Variants in DYM observed in about 807,000 individuals in gnomAD.
DYM encodes the protein dyggve-Melchior-Clausen syndrome protein.
Under a neutral mutation model 93.1 loss-of-function variants are expected in DYM, and 78 were observed. The ratio of observed to expected loss-of-function variants is 0.84; its 90% CI spans 0.70 to 1.01. DYM has a LOEUF of 1.01. Ranked by LOEUF, DYM falls within the 50% of genes least tolerant of loss-of-function variation. The pLI, the probability that DYM is intolerant of heterozygous loss-of-function variation, is 0.00. For missense variants in DYM, 789 were observed against 845.0 expected (o/e 0.93, Z 0.82); for synonymous variants, 321 against 319.7 (o/e 1.00, Z -0.04).
chr18:49,272,309 GAATA>G lies in DYM; in HGVS notation c.1126-10_1126-7del. On this transcript the variant is annotated splice_polypyrimidine_tract_variant and splice_region_variant and intron_variant, in intron 10 of 17. Transcript: ENST00000675505. Reference sequence around the variant, plus strand: ...ATCTCAAGAATTGGTAAAACCTAGAGAATAAAAATTATAATTGACTATTTCAATA... The same window carrying G: ...ATCTCAAGAATTGGTAAAACCTAGAGAAAATTATAATTGACTATTTCAATA... 1 of 1,500,174 alleles carries G rather than the reference GAATA, an allele frequency of 6.7e-7. No homozygotes were observed. 92.9% of individuals were successfully genotyped at this position (1,500,174 alleles called of 1,614,324 possible).
At chr18:49,093,036 A>G (rs1390218730) in intron 17 of DYM, among the ~76,000 whole-genome samples, 1 of 152,250 alleles carries the variant, frequency 6.6e-6, no homozygotes, top group African/African-American at 2.4e-5. Context: ...ATAGGAATCC[A>G]GAGGCAGGGT....
chr18:49,156,433 AAAC>A (rs1215665490), intron 15 of DYM, among the ~76,000 whole-genome samples: 9 of 151,852 alleles, frequency 5.9e-5, no homozygotes, highest in East Asian at 1.9e-4. Flanking sequence ...CCCTCAAAAA[AAAC>A]AACAACAAAA....
chr18:49,281,745 C>T (rs2094984569), intron 10 of DYM, among the ~76,000 whole-genome samples: 1 of 152,152 alleles, frequency 6.6e-6, no homozygotes, highest in Middle Eastern at 3.4e-3. Context: ...TAGGTGGGAA[C>T]TGAACAATGA....
intron 2 of DYM, among the ~76,000 whole-genome samples, chr18:49,420,368 C>T (rs1462699725): frequency 6.6e-6 from 1 of 151,920 alleles, no homozygotes; most frequent in Non-Finnish European, 1.5e-5. Context: ...AGGGTTTCAC[C>T]ACGTTGACCA....
chr18:49,413,918 G>T (rs1481001965), intron 2 of DYM, among the ~76,000 whole-genome samples: 1 of 152,088 alleles, frequency 6.6e-6, no homozygotes, highest in East Asian at 1.9e-4. Context: ...GCTGAGGCGG[G>T]AGGACAACTT....
chr18:49,103,217 T>C (rs2145684524), intron 16 of DYM, among the ~76,000 whole-genome samples: 1 of 152,376 alleles, frequency 6.6e-6, no homozygotes, highest in African/African-American at 2.4e-5. Flanking sequence ...ATGTCTTCTT[T>C]TGAGAAGTGT....
rs891589467 is a variant in DYM, at chr18:49,290,513, ATATT to A, written c.764-3901_764-3898del. Among the ~76,000 whole-genome samples the A allele has an allele frequency of 5.8e-4, 88 of 152,212 alleles. 1 individual carries two copies. Among genetic ancestry groups the A allele is most frequent in the Admixed American group, 1.4e-3 (21 of 15,282 alleles). On this transcript the variant is annotated intron_variant, in intron 8 of 17. Transcript: ENST00000675505. ...AGTTTAATTTTTCCCCAGTAATAATATATTTATTTCTTTAAAAATAAATGTAAAA... is the reference window on the plus strand; with the variant it reads ...AGTTTAATTTTTCCCCAGTAATAATATATTTCTTTAAAAATAAATGTAAAA...
chr18:49,097,561 G>T, intron 16 of DYM, 46 bp from the exon 17 acceptor site: 2 of 1,489,254 alleles, frequency 1.3e-6, no homozygotes, highest in African/African-American at 1.4e-5. Context: ...GGTATGAAAT[G>T]TATTTTTAGT....
chr18:49,063,098 A>AT (rs1481598085), intron 17 of DYM, among the ~76,000 whole-genome samples: 1 of 152,202 alleles, frequency 6.6e-6, no homozygotes, highest in Non-Finnish European at 1.5e-5. Context: ...AAGCACACCT[A>AT]TTTTTAGGAC....
Position 49,247,040 on chromosome 18 carries a change from G to C in DYM, c.1460+9970C>G, listed in dbSNP as rs558141218. On this transcript the variant is annotated intron_variant, in intron 13 of 17. Coordinates refer to ENST00000675505, the MANE Select transcript of DYM (RefSeq NM_001353214.3). ...TGCGTGGATGCTTGTAGAGTGAACA[G>C]ACTTGGAAGACAGAGATGGTGTCTC... Among the ~76,000 whole-genome samples, 15 of 152,328 alleles carry C rather than the reference G, an allele frequency of 9.8e-5. No individual in the cohort carries two copies. In the East Asian group the frequency reaches 1.5e-3, roughly 16 times the overall value.
chr18:49,393,083 GGGAGGGAGGGAAGGAAGGAAGGAA>G (rs2069534594), intron 2 of DYM, among the ~76,000 whole-genome samples: 1 of 95,152 alleles, frequency 1.1e-5, no homozygotes, highest in African/African-American at 3.6e-5. Flanking sequence ...GAGGAAAGAA[GGGAGGGAGGGAAGGAAGGAAGGAA>G]GGAAGGAAGG....
chr18:49,126,985 GAA>G (rs1436145480), intron 15 of DYM, among the ~76,000 whole-genome samples: 1 of 152,142 alleles, frequency 6.6e-6, no homozygotes, highest in African/African-American at 2.4e-5. Context: ...AGATTTTATG[GAA>G]GACACGCTTT....
At chr18:49,368,972 C>T (rs1374161734) in intron 5 of DYM, among the ~76,000 whole-genome samples, 2 of 152,244 alleles carry the variant, frequency 1.3e-5, no homozygotes, top group African/African-American at 4.8e-5. Flanking sequence ...GAATCCTTGG[C>T]TCTCCACTGA....
At chr18:49,208,793 G>A (rs543610576) in intron 14 of DYM, 1 of 151,800 alleles carries the variant, frequency 6.6e-6, no homozygotes, top group South Asian at 2.1e-4. Flanking sequence ...TATAGTGCTG[G>A]TATAAGTCAT....
rs2070839485 is a variant in DYM at position 49,039,770 on chromosome 18, A to C, written c.*4285T>G. Among the ~76,000 whole-genome samples, 1 of 152,206 alleles carries C rather than the reference A, an allele frequency of 6.6e-6. No homozygotes were observed. Among genetic ancestry groups the C allele is most frequent in the African/African-American group, 2.4e-5 (1 of 41,446 alleles). ...TTTACAGTTTCTAACTCTCTGTTGAAATTCTTGACCATGCGTCTCATTTTT... is the reference window on the plus strand; with the variant it reads ...TTTACAGTTTCTAACTCTCTGTTGACATTCTTGACCATGCGTCTCATTTTT... On this transcript the variant is annotated 3_prime_UTR_variant, in exon 18 of 18. Coordinates refer to ENST00000675505, the MANE Select transcript of DYM (RefSeq NM_001353214.3).
intron 15 of DYM, 36 bp from the exon 16 acceptor site, chr18:49,118,962 C>T: frequency 3.8e-6 from 6 of 1,566,258 alleles, no homozygotes; most frequent in Non-Finnish European, 5.3e-6. Flanking sequence ...CAGAGTCAGT[C>T]TTTTCCTCCT....
chr18:49,307,265 T>C (rs1427829021), intron 8 of DYM, among the ~76,000 whole-genome samples: 1 of 152,034 alleles, frequency 6.6e-6, no homozygotes, highest in Non-Finnish European at 1.5e-5. Flanking sequence ...AGCTTGCACA[T>C]TGCCTCATCA....
At chr18:49,052,796 T>TA (rs2075132356) in intron 17 of DYM, among the ~76,000 whole-genome samples, 1 of 152,216 alleles carries the variant, frequency 6.6e-6, no homozygotes, top group African/African-American at 2.4e-5. Flanking sequence ...TTTGAGGACT[T>TA]AGACTAAAGC....
chr18:49,396,837 T>C (rs891793638), intron 2 of DYM, among the ~76,000 whole-genome samples: 3 of 152,128 alleles, frequency 2.0e-5, no homozygotes, highest in Admixed American at 6.6e-5. Context: ...TAACACATGA[T>C]CTCACTCATC....
Sources: allele counts gnomAD v4.1 joint callset (sites outside exome capture counted in the v4.1 genomes callset), GRCh38; gene constraint gnomAD v4.1.1; transcripts MANE v1.5; gene names NCBI Gene and HGNC (gene_info 2026-07-23, HGNC 2026-07-21).